PGK1: variants seen among roughly 807,000 people sequenced by gnomAD.
PGK1 encodes the protein PRP 2.
Under a neutral mutation model 26.9 loss-of-function variants are expected in PGK1, and 3 were observed. That is an observed-to-expected ratio of 0.11 (90% CI 0.05 to 0.29). PGK1 has a LOEUF of 0.29. Among genes scored for constraint, PGK1 ranks in the 10% least tolerant of loss-of-function variants. The pLI is 1.00. For synonymous variants in PGK1, 125 were observed against 115.3 expected, an observed-to-expected ratio of 1.08 and a Z score of -0.54; for missense variants, 270 against 314.7, an observed-to-expected ratio of 0.86 and a Z score of 1.07.
Position 78,125,062 on chromosome X carries a change from C to T in PGK1, c.1114+11C>T, listed in dbSNP as rs1400955977. 1.4e-5 allele frequency: 17 copies of T among 1,187,782 alleles called. No homozygotes were observed. The highest frequency in any genetic ancestry group is 1.6e-5 in the Non-Finnish European group (14 of 875,257). On this transcript the variant is annotated intron_variant, in intron 9 of 10. Coordinates refer to ENST00000373316, the MANE Select transcript of PGK1 (RefSeq NM_000291.4). ...GCATCACCATCATAGGTAAGCGGTC[C>T]TATACAAAGCTAATACCCATATAAG...
At chrX:78,108,968 A>G (rs1388424292) in intron 1 of PGK1, among the ~76,000 whole-genome samples, 3 of 112,254 alleles carry the variant, frequency 2.7e-5, no homozygotes, top group African/African-American at 9.7e-5. Context: ...AAAAATAATC[A>G]TGGCAGGCAC....
At chrX:78,124,052 C>T (rs1166694326) in intron 8 of PGK1, among the ~76,000 whole-genome samples, 4 of 111,216 alleles carry the variant, frequency 3.6e-5, no homozygotes, top group African/African-American at 1.3e-4. Context: ...AAAACTTTCT[C>T]ATATGAAAAA....
chrX:78,111,135 A>C (rs1557246848), intron 2 of PGK1, among the ~76,000 whole-genome samples: 1 of 106,822 alleles, frequency 9.4e-6, no homozygotes, highest in Non-Finnish European at 1.9e-5. Context: ...CCCAGGCTGG[A>C]GTGCAGTGGC....
rs2078383336 is a variant in PGK1, at chrX:78,126,294, T to C, written c.*464T>C. On this transcript the variant is annotated 3_prime_UTR_variant, in exon 11 of 11. Transcript: ENST00000373316. Reference sequence around the variant, plus strand: ...CGTGATTTTTTTTTTTTTCCTGTCATACTTTGTTAGGAAGGGTGAGAATAG... The same window carrying C: ...CGTGATTTTTTTTTTTTTCCTGTCACACTTTGTTAGGAAGGGTGAGAATAG... The C allele has an allele frequency of 7.3e-6, 1 of 136,383 alleles. No individual in the cohort carries two copies. Among genetic ancestry groups the C allele is most frequent in the Non-Finnish European group, 1.5e-5 (1 of 68,017 alleles). The allele number at this position is 136,383 out of a possible 1,213,427, so 11.2% of individuals were successfully genotyped here.
chrX:78,120,835 T>G (rs2078351504), intron 6 of PGK1, among the ~76,000 whole-genome samples: 1 of 112,189 alleles, frequency 8.9e-6, no homozygotes, highest in African/African-American at 3.2e-5. Context: ...TCATATACTT[T>G]CACTTACATA....
At chrX:78,118,248 A>G (rs1840967650) in intron 6 of PGK1, 78 bp downstream of exon 6, 6 of 1,039,884 alleles carry the variant, frequency 5.8e-6, no homozygotes, top group African/African-American at 5.6e-5. Context: ...GTTTATTGTC[A>G]TATAGCTCAG....
intron 5 of PGK1, among the ~76,000 whole-genome samples, chrX:78,117,756 C>T (rs1231010414): frequency 8.9e-6 from 1 of 112,823 alleles, no homozygotes; most frequent in African/African-American, 3.2e-5. Context: ...CTTCTGCTAT[C>T]ATCAACCGGC....
At chrX:78,106,388 G>C (rs2078272722) in intron 1 of PGK1, 2 of 746,754 alleles carry the variant, frequency 2.7e-6, no homozygotes, top group Middle Eastern at 7.7e-4. Flanking sequence ...ACTTATTTAG[G>C]CTGAGGACAG....
intron 6 of PGK1, among the ~76,000 whole-genome samples, chrX:78,122,623 A>G (rs1226933174): frequency 3.6e-5 from 4 of 111,378 alleles, no homozygotes; most frequent in African/African-American, 1.3e-4. Flanking sequence ...TTTTAAAAAG[A>G]TACACTGATG....
intron 2 of PGK1, among the ~76,000 whole-genome samples, chrX:78,110,692 A>C (rs1290948956): frequency 4.5e-5 from 5 of 110,899 alleles, no homozygotes; most frequent in Non-Finnish European, 7.6e-5. Context: ...AAGGATTTTA[A>C]AAGTACCAGT....
At chrX:78,106,163 T>A (rs2078271684) in intron 1 of PGK1, among the ~76,000 whole-genome samples, 1 of 111,549 alleles carries the variant, frequency 9.0e-6, no homozygotes, top group Non-Finnish European at 1.9e-5. Flanking sequence ...AAAGTTTCAT[T>A]TAGCACACGC....
At chrX:78,113,620 T>C in intron 2 of PGK1, 124 bp from the exon 3 acceptor site, 3 of 605,776 alleles carry the variant, frequency 5.0e-6, no homozygotes, top group Non-Finnish European at 8.1e-6. Flanking sequence ...GAATTACTGA[T>C]AGTAGATTTG....
Position 78,125,988 on chromosome X carries a change from G to C in PGK1, c.*158G>C, listed in dbSNP as rs2078381530. 7.4e-6 allele frequency: 4 copies of C among 537,924 alleles called. No individual in the cohort carries two copies. Among genetic ancestry groups the C allele is most frequent in the Non-Finnish European group, 1.3e-5 (4 of 298,838 alleles). 44.3% of individuals were successfully genotyped at this position (537,924 alleles called of 1,213,427 possible). On this transcript the variant is annotated 3_prime_UTR_variant, in exon 11 of 11. Coordinates refer to ENST00000373316, the MANE Select transcript of PGK1 (RefSeq NM_000291.4). ...CCTTAAACAGTTGCACAGCATCTCA[G>C]CTCATCTTCACTGCACCCTGGATTT...
intron 8 of PGK1, among the ~76,000 whole-genome samples, chrX:78,123,699 C>T (rs1206793620): frequency 9.3e-6 from 1 of 107,880 alleles, no homozygotes; most frequent in African/African-American, 3.4e-5. Flanking sequence ...ACCTCTGCCT[C>T]CCAGGTTCAA....
intron 8 of PGK1, among the ~76,000 whole-genome samples, chrX:78,123,857 G>T (rs11266710): frequency 0.27 from 30,095 of 110,206 alleles, 3,125 homozygotes; most frequent in East Asian, 0.38. Context: ...TCCACCTGCT[G>T]CGGCCTCCCA....
At chrX:78,119,823 A>G (rs2078345338) in intron 6 of PGK1, among the ~76,000 whole-genome samples, 1 of 112,175 alleles carries the variant, frequency 8.9e-6, no homozygotes, top group African/African-American at 3.2e-5. Context: ...ACCTTTCTTT[A>G]TAAATTACCA....
At chrX:78,112,533 G>A (rs2078306389) in intron 2 of PGK1, among the ~76,000 whole-genome samples, 1 of 112,209 alleles carries the variant, frequency 8.9e-6, no homozygotes, top group African/African-American at 3.2e-5. Flanking sequence ...GCTCTAGACA[G>A]TGCAATTATT....
chrX:78,104,489 C>T (rs1000299577), intron 1 of PGK1, 84 bp downstream of exon 1: 1 of 767,206 alleles, frequency 1.3e-6, no homozygotes, highest in Non-Finnish European at 2.0e-6. Flanking sequence ...CTCGTCTGCT[C>T]TAAGTTCTTT....
At chrX:78,105,989 G>A (rs2078270711) in intron 1 of PGK1, among the ~76,000 whole-genome samples, 1 of 112,139 alleles carries the variant, frequency 8.9e-6, no homozygotes, top group Admixed American at 9.4e-5. Context: ...TCTTCCAGAT[G>A]CATGGACCAA....
Sources: gnomAD v4.1 joint callset for allele counts (sites outside exome capture counted in the v4.1 genomes callset) on GRCh38, gnomAD v4.1.1 for gene constraint, MANE v1.5 for transcripts, NCBI Gene and HGNC (gene_info 2026-07-23, HGNC 2026-07-21) for gene names.